ARHGAP26: variants seen among roughly 807,000 people sequenced by gnomAD.
The protein encoded by ARHGAP26 is Rho GTPase activating protein 26, also known as rho GTPase-activating protein 26.
In ARHGAP26, 38 loss-of-function variants were observed where a neutral mutation model predicts 104.8. The ratio of observed to expected loss-of-function variants is 0.36; its 90% CI spans 0.28 to 0.48. The LOEUF is 0.48. ARHGAP26 is among the 20% of genes least tolerant of loss of function. The probability of loss-of-function intolerance (pLI) is 0.99; values close to 1 mark genes in which losing one functional copy is unlikely to be tolerated. For missense variants in ARHGAP26, 704 were observed against 947.9 expected (o/e 0.74, Z 3.38); for synonymous variants, 341 against 340.0 (o/e 1.00, Z -0.03).
intron 1 of ARHGAP26, among the ~76,000 whole-genome samples, chr5:142,870,163 C>T (rs759520456): frequency 2.0e-5 from 3 of 152,312 alleles, no homozygotes; most frequent in Middle Eastern, 3.4e-3. Context: ...GAGGGTGCCA[C>T]GACGCTTGGC....
intron 11 of ARHGAP26, among the ~76,000 whole-genome samples, chr5:142,942,853 T>A (rs1405030820): frequency 6.6e-6 from 1 of 152,202 alleles, no homozygotes; most frequent in Non-Finnish European, 1.5e-5. Context: ...GGATCTCAGC[T>A]CACTACAACC....
At position 142,980,352 on chromosome 5, in the gene ARHGAP26, C is replaced by CTTTTATTTTAT. The variant is rs375787576; in HGVS notation, c.1108-33725_1108-33724insTATTTTATTTT. ...TATTGTGCATAAAGCCTCTAGGAAC[C>CTTTTATTTTAT]TTTATTTTATTTTATTTTATTTTAT... is the stretch of plus-strand genomic sequence containing the variant. On this transcript the variant is annotated intron_variant, in intron 11 of 22. Coordinates refer to ENST00000645722, the MANE Select transcript of ARHGAP26 (RefSeq NM_001135608.3). Among the ~76,000 whole-genome samples the CTTTTATTTTAT allele has an allele frequency of 9.8e-4, 129 of 131,536 alleles. 1 individual carries two copies. Among genetic ancestry groups the CTTTTATTTTAT allele is most frequent in the African/African-American group, 3.3e-3 (116 of 34,638 alleles). 86.3% of individuals were successfully genotyped at this position (131,536 alleles called of 152,430 possible). A position where few individuals can be genotyped will look rare whatever the true frequency, so the allele number is the denominator to read the frequency against.
In ARHGAP26 at chr5:143,098,351, A is replaced by AT. The variant is rs1372689990; in HGVS notation, c.1539-22632dup. Among the ~76,000 whole-genome samples, 3 of 152,250 alleles carry AT rather than the reference A, an allele frequency of 2.0e-5. No individual in the cohort carries two copies. The East Asian group carries it at 5.8e-4, about 29-fold the overall frequency. On this transcript the variant is annotated intron_variant, in intron 17 of 22. Transcript: ENST00000645722. ...AACAATAACGTAGGTGATTTTTTTA[A>AT]TTTTTAAATTAAATTTTGTTATATT...
At chr5:143,012,558 T>TATATATATATATATACAC (rs1189016683) in intron 11 of ARHGAP26, among the ~76,000 whole-genome samples, 1 of 72,416 alleles carries the variant, frequency 1.4e-5, no homozygotes, top group Non-Finnish European at 3.6e-5. Flanking sequence ...CATACATATA[T>TATATATATATATATACAC]ATATATATAT....
chr5:143,133,198 A>G (rs1337519993), intron 18 of ARHGAP26, among the ~76,000 whole-genome samples: 1 of 152,052 alleles, frequency 6.6e-6, no homozygotes, highest in East Asian at 1.9e-4. Context: ...ATGAACTTTT[A>G]GAAGAATAAA....
intron 17 of ARHGAP26, among the ~76,000 whole-genome samples, chr5:143,084,660 T>C (rs1311555043): frequency 6.6e-6 from 1 of 152,198 alleles, no homozygotes; most frequent in African/African-American, 2.4e-5. Flanking sequence ...CTCCACTCCA[T>C]GCCAAAGGCT....
At chr5:142,775,325 T>TA (rs1299170506) in intron 1 of ARHGAP26, among the ~76,000 whole-genome samples, 3 of 152,208 alleles carry the variant, frequency 2.0e-5, no homozygotes, top group Non-Finnish European at 4.4e-5. Context: ...TATCTCATTT[T>TA]AAAAAATTTA....
chr5:143,067,207 C>T (rs913723520), intron 17 of ARHGAP26, among the ~76,000 whole-genome samples: 1 of 152,146 alleles, frequency 6.6e-6, no homozygotes, highest in African/African-American at 2.4e-5. Flanking sequence ...TCTTTGTGAT[C>T]TTTGAGATGT....
At chr5:142,783,014 C>T (rs1757828980) in intron 1 of ARHGAP26, among the ~76,000 whole-genome samples, 1 of 152,202 alleles carries the variant, frequency 6.6e-6, no homozygotes. Context: ...CCCCCACTCC[C>T]TTCCATCTCA....
intron 17 of ARHGAP26, among the ~76,000 whole-genome samples, chr5:143,061,634 A>G (rs1392812627): frequency 6.6e-6 from 1 of 152,216 alleles, no homozygotes; most frequent in Admixed American, 6.5e-5. Flanking sequence ...TTGAGCTGCA[A>G]GAAACAGAAA....
chr5:142,959,534 G>A (rs1769840294), intron 11 of ARHGAP26, among the ~76,000 whole-genome samples: 2 of 152,126 alleles, frequency 1.3e-5, no homozygotes, highest in South Asian at 2.1e-4. Context: ...CTGGCTGTCA[G>A]CCAGGACCCC....
intron 10 of ARHGAP26, chr5:142,915,805 T>C (rs1318194943): frequency 6.6e-6 from 1 of 152,230 alleles, no homozygotes; most frequent in Non-Finnish European, 1.5e-5. Context: ...CCTTTCTGTT[T>C]TTTTTCCCTC....
intron 13 of ARHGAP26, among the ~76,000 whole-genome samples, chr5:143,038,207 T>C (rs1454162768): frequency 6.6e-6 from 1 of 152,220 alleles, no homozygotes; most frequent in Non-Finnish European, 1.5e-5. Flanking sequence ...AAATTCTCTC[T>C]TTTAAAGCAG....
At chr5:142,956,821 G>A (rs1338570846) in intron 11 of ARHGAP26, among the ~76,000 whole-genome samples, 1 of 152,168 alleles carries the variant, frequency 6.6e-6, no homozygotes, top group Non-Finnish European at 1.5e-5. Flanking sequence ...TTCTTACATG[G>A]TGGTGGCAAG....
intron 1 of ARHGAP26, among the ~76,000 whole-genome samples, chr5:142,787,023 C>T (rs777703995): frequency 5.9e-5 from 9 of 152,156 alleles, no homozygotes; most frequent in Non-Finnish European, 5.9e-5. Flanking sequence ...AACTCTTAGT[C>T]GGACTGTGAG....
intron 20 of ARHGAP26, among the ~76,000 whole-genome samples, chr5:143,194,739 C>T (rs1806516775): frequency 6.6e-6 from 1 of 152,122 alleles, no homozygotes. Context: ...TCTTTTTCTC[C>T]AGCGGAAAGG....
chr5:142,869,799 T>A (rs527730597), intron 1 of ARHGAP26, among the ~76,000 whole-genome samples: 59 of 152,342 alleles, frequency 3.9e-4, no homozygotes, highest in African/African-American at 1.4e-3. Flanking sequence ...GGTTAAATTC[T>A]CTTAAATCCG....
At chr5:142,828,050 C>A in intron 1 of ARHGAP26, among the ~76,000 whole-genome samples, 1 of 152,158 alleles carries the variant, frequency 6.6e-6, no homozygotes, top group Non-Finnish European at 1.5e-5. Flanking sequence ...TAGTTACGCA[C>A]GCTATTCAGA....
rs184166559 is a variant in ARHGAP26 at position 143,000,514 on chromosome 5, T to C, written c.1108-13566T>C. 4.2e-3 allele frequency among the ~76,000 whole-genome samples: 640 copies of C among 152,350 alleles called. 7 individuals carry two copies. The highest frequency in any genetic ancestry group is 0.015 in the African/African-American group (624 of 41,574). ...AAATTTTATGCTGAGTGCAATCCCA[T>C]TACTGGGTATATACCAAAAGGATTA... On this transcript the variant is annotated intron_variant, in intron 11 of 22. Coordinates refer to ENST00000645722, the MANE Select transcript of ARHGAP26 (RefSeq NM_001135608.3).
Sources: gnomAD v4.1 joint callset for allele counts (sites outside exome capture counted in the v4.1 genomes callset) on GRCh38, gnomAD v4.1.1 for gene constraint, MANE v1.5 for transcripts, NCBI Gene and HGNC (gene_info 2026-07-23, HGNC 2026-07-21) for gene names.